Variants in TEAD4 observed in about 807,000 individuals in gnomAD.
The protein encoded by TEAD4 is TEA domain transcription factor 4.
TEAD4 carries 36 observed loss-of-function variants against 52.4 expected under a neutral mutation model. The ratio of observed to expected loss-of-function variants is 0.69; its 90% CI spans 0.53 to 0.91. TEAD4 has a LOEUF of 0.91. TEAD4 is among the 40% of genes least tolerant of loss of function. TEAD4 has a pLI of 0.00. For synonymous variants in TEAD4, 220 were observed against 231.0 expected (o/e 0.95, Z 0.43); for missense variants, 508 against 583.9 (o/e 0.87, Z 1.34).
At chr12:3,030,805 A>G (rs910317441) in intron 10 of TEAD4, among the ~76,000 whole-genome samples, 4 of 152,158 alleles carry the variant, frequency 2.6e-5, no homozygotes, top group Non-Finnish European at 5.9e-5. Context: ...AGGCTCTAGC[A>G]GGGAGGAGTG....
chr12:3,025,182 G>A (rs1188065915), intron 10 of TEAD4, among the ~76,000 whole-genome samples: 3 of 152,156 alleles, frequency 2.0e-5, no homozygotes, highest in Admixed American at 6.5e-5. Context: ...GACCTCAGGC[G>A]ATCTGCCCAC....
chr12:2,971,883 G>A (rs2098225459), intron 2 of TEAD4, among the ~76,000 whole-genome samples: 1 of 143,132 alleles, frequency 7.0e-6, no homozygotes, highest in African/African-American at 2.7e-5. Flanking sequence ...CGCGATCACA[G>A]CTCACTGCAA....
At chr12:2,976,791 G>C (rs1010817132) in intron 2 of TEAD4, among the ~76,000 whole-genome samples, 2 of 152,094 alleles carry the variant, frequency 1.3e-5, no homozygotes, top group Non-Finnish European at 2.9e-5. Context: ...TTGCCGCCCG[G>C]GCCTGGGGGC....
chr12:2,997,625 T>C (rs10774092), intron 3 of TEAD4, among the ~76,000 whole-genome samples: 120,299 of 151,798 alleles, frequency 0.79, 49,666 homozygotes, highest in Non-Finnish European at 0.91. Flanking sequence ...TCTGTGTGCT[T>C]TAGAGACAGA....
chr12:2,967,705 C>G (rs1251834655), intron 2 of TEAD4, among the ~76,000 whole-genome samples: 1 of 152,174 alleles, frequency 6.6e-6, no homozygotes, highest in East Asian at 1.9e-4. Context: ...GACCATTATT[C>G]TAGACATTTC....
chr12:3,032,276 C>T (rs1056320261), intron 10 of TEAD4, among the ~76,000 whole-genome samples: 1 of 152,154 alleles, frequency 6.6e-6, no homozygotes, highest in Admixed American at 6.5e-5. Context: ...GTGCCAAAGA[C>T]ATGGGATTCA....
chr12:3,037,675 T>C (rs1418833813), intron 10 of TEAD4, among the ~76,000 whole-genome samples: 1 of 152,208 alleles, frequency 6.6e-6, no homozygotes. Flanking sequence ...ATCTTAAAGA[T>C]GGAATCTGGG....
intron 2 of TEAD4, among the ~76,000 whole-genome samples, chr12:2,976,062 G>GT (rs1426074919): frequency 2.6e-5 from 4 of 151,654 alleles, no homozygotes; most frequent in African/African-American, 9.7e-5. Context: ...CTGGAGTGCA[G>GT]TGGCATGATC....
At chr12:2,993,842 C>T (rs1000205431) in intron 2 of TEAD4, among the ~76,000 whole-genome samples, 4 of 152,122 alleles carry the variant, frequency 2.6e-5, no homozygotes, top group East Asian at 3.9e-4. Flanking sequence ...TTGTAACTGG[C>T]GTGTTTCACT....
intron 10 of TEAD4, among the ~76,000 whole-genome samples, chr12:3,031,697 G>A (rs549566584): frequency 1.1e-4 from 16 of 152,170 alleles, no homozygotes; most frequent in East Asian, 9.7e-4. Context: ...ACAGTCACAC[G>A]TCTCATCCTC....
At chr12:2,978,409 T>G (rs1012485434) in intron 2 of TEAD4, among the ~76,000 whole-genome samples, 1 of 151,902 alleles carries the variant, frequency 6.6e-6, no homozygotes. Context: ...TTTTTTTTGT[T>G]TTGTTTTGTT....
chr12:2,976,022 T>C (rs1195492615), intron 2 of TEAD4, among the ~76,000 whole-genome samples: 1 of 112,162 alleles, frequency 8.9e-6, no homozygotes, highest in Non-Finnish European at 1.9e-5. Flanking sequence ...TTTTTTTTTT[T>C]TGAGACAAAG....
intron 2 of TEAD4, among the ~76,000 whole-genome samples, chr12:2,983,012 G>A (rs886926455): frequency 6.6e-6 from 1 of 152,084 alleles, no homozygotes; most frequent in African/African-American, 2.4e-5. Context: ...GGTCAGGTGG[G>A]GTAAGGGAGG....
At chr12:2,993,741 G>A (rs1357222308) in intron 2 of TEAD4, among the ~76,000 whole-genome samples, 1 of 152,188 alleles carries the variant, frequency 6.6e-6, no homozygotes, top group Non-Finnish European at 1.5e-5. Flanking sequence ...GCCTCCCAAA[G>A]TGCTGGGAGT....
At chr12:2,984,449 C>A (rs975255679) in intron 2 of TEAD4, among the ~76,000 whole-genome samples, 3 of 151,828 alleles carry the variant, frequency 2.0e-5, no homozygotes, top group African/African-American at 4.8e-5. Context: ...GACATGTAGG[C>A]GACAGAAAGA....
intron 2 of TEAD4, among the ~76,000 whole-genome samples, chr12:2,965,640 C>T (rs1430224324): frequency 1.3e-5 from 2 of 152,150 alleles, no homozygotes; most frequent in Non-Finnish European, 2.9e-5. Flanking sequence ...CAAGCTCCGC[C>T]TCCCGGGTTC....
At chr12:2,968,314 G>A (rs921336979) in intron 2 of TEAD4, among the ~76,000 whole-genome samples, 2 of 148,532 alleles carry the variant, frequency 1.3e-5, no homozygotes, top group African/African-American at 5.0e-5. Flanking sequence ...TCGAACTCCC[G>A]ACCTCAGGTG....
At chr12:2,980,699 C>T (rs1390057819) in intron 2 of TEAD4, among the ~76,000 whole-genome samples, 1 of 151,654 alleles carries the variant, frequency 6.6e-6, no homozygotes, top group Non-Finnish European at 1.5e-5. Context: ...CTCCACTGTA[C>T]TCCAGCCTGG....
At chr12:3,035,889 C>G (rs144805916) in intron 10 of TEAD4, among the ~76,000 whole-genome samples, 67 of 151,574 alleles carry the variant, frequency 4.4e-4, no homozygotes, top group Non-Finnish European at 7.5e-4. Context: ...TGGTCCCATT[C>G]ACCTTATATT....
Sources: gnomAD v4.1 joint callset for allele counts (sites outside exome capture counted in the v4.1 genomes callset) on GRCh38, gnomAD v4.1.1 for gene constraint, MANE v1.5 for transcripts, NCBI Gene and HGNC (gene_info 2026-07-23, HGNC 2026-07-21) for gene names.